RLBP1: variants seen among roughly 807,000 people sequenced by gnomAD.
RLBP1 encodes retinaldehyde binding protein 1.
In RLBP1, 26 loss-of-function variants were observed where a neutral mutation model predicts 36.2. The ratio of observed to expected loss-of-function variants is 0.72; its 90% CI spans 0.53 to 1.00. The LOEUF is 1.00. Ranked by LOEUF, RLBP1 falls within the 50% of genes least tolerant of loss-of-function variation. The pLI is 0.00. For synonymous variants in RLBP1, 155 were observed against 156.2 expected (o/e 0.99, Z 0.06); for missense variants, 410 against 402.4 (o/e 1.02, Z -0.16).
intron 2 of RLBP1, among the ~76,000 whole-genome samples, chr15:89,219,328 A>C (rs2051608433): frequency 6.6e-6 from 1 of 152,222 alleles, no homozygotes; most frequent in African/African-American, 2.4e-5. Context: ...CACAGACACA[A>C]ATAGCTCAGT....
At chr15:89,217,619 A>G (rs1393521001) in intron 4 of RLBP1, among the ~76,000 whole-genome samples, 1 of 152,192 alleles carries the variant, frequency 6.6e-6, no homozygotes, top group Non-Finnish European at 1.5e-5. Flanking sequence ...CTTTAAATGC[A>G]CTGTGTTTTT....
At position 89,217,123 on chromosome 15, in the gene RLBP1, T is replaced by C; in HGVS notation, c.343A>G (p.Arg115Gly). 1.2e-6 allele frequency: 2 copies of C among 1,613,980 alleles called. No homozygotes were observed. The highest frequency in any genetic ancestry group is 1.1e-5 in the South Asian group (1 of 91,074). ...FNVGRAYELL[R>G]GYVNFRLQYP... ...TCCCTCCAAGCACTGGCCTCACCTC[T>C]GAGCAGCTCATAGGCACGGCCCACG... Residue 115 changes from arginine (R) to glycine (G), a missense_variant, in exon 5 of 9, where the codon AGA becomes GGA. Arg to Gly is a moderately radical substitution (Grantham distance 125, BLOSUM62 -2). Coordinates refer to ENST00000268125, the MANE Select transcript of RLBP1 (RefSeq NM_000326.5).
Position 89,215,045 on chromosome 15 carries a change from C to T in RLBP1, c.525+15G>A, listed in dbSNP as rs1407140382. 5.0e-6 allele frequency: 8 copies of T among 1,613,938 alleles called. No individual in the cohort carries two copies. The highest frequency in any genetic ancestry group is 5.9e-6 in the Non-Finnish European group (7 of 1,179,830). On this transcript the variant is annotated intron_variant, in intron 6 of 8. Transcript: ENST00000268125. ...CCCAGCCCACAGGGTGGGAGCCAGG[C>T]GAGCCCCCACTAACCTCATCAAAGG...
Position 89,215,404 on chromosome 15 carries a change from C to T in RLBP1, c.347-166G>A, listed in dbSNP as rs534851623. On this transcript the variant is annotated intron_variant, in intron 5 of 8. Coordinates refer to ENST00000268125, the MANE Select transcript of RLBP1 (RefSeq NM_000326.5). The stretch of plus-strand genomic sequence containing the variant: ...GTTTCCTCTCCAAAAAATGGGATCT[C>T]GATATTGACCTATCTATTCTAGATA... 3.3e-5 allele frequency among the ~76,000 whole-genome samples: 5 copies of T among 152,118 alleles called. No individual in the cohort carries two copies. The East Asian group carries it at 5.8e-4, about 18-fold the overall frequency.
chr15:89,212,286 A>C (rs1206038243), intron 6 of RLBP1, among the ~76,000 whole-genome samples: 1 of 152,220 alleles, frequency 6.6e-6, no homozygotes. Flanking sequence ...CCATTATTGT[A>C]AGAAAAATGT....
rs1401403986 is a variant in RLBP1 at position 89,217,021 on chromosome 15, C to T, written c.346+99G>A. The T allele has an allele frequency of 1.1e-5, 14 of 1,290,572 alleles. No homozygotes were observed. The Admixed American group carries it at 1.1e-4, about 10-fold the overall frequency. 79.9% of individuals were successfully genotyped at this position (1,290,572 alleles called of 1,614,324 possible). A position where few individuals can be genotyped will look rare whatever the true frequency, so the allele number is the denominator to read the frequency against. ...AGGCTCAGAGAAACTGACTTGCCCACAGTATGGAAGCAGGCCTGTTCAGTG... is the reference window on the plus strand; with the variant it reads ...AGGCTCAGAGAAACTGACTTGCCCATAGTATGGAAGCAGGCCTGTTCAGTG... On this transcript the variant is annotated intron_variant, in intron 5 of 8. Coordinates refer to ENST00000268125, the MANE Select transcript of RLBP1 (RefSeq NM_000326.5).
In RLBP1 at chr15:89,218,582, G is replaced by A. The variant is rs765041521; in HGVS notation, c.124C>T (p.Arg42Cys). The change falls in exon 4 of 9, where the codon CGC becomes TGC. Residue 42 changes from arginine to cysteine, a missense_variant. Arg to Cys is a radical substitution (Grantham distance 180). Transcript: ENST00000268125. The surrounding 1 kb of genome is among the most constrained non-coding windows in gnomAD (Gnocchi z 4.6). ...PVFGPCSQLP[R>C]HTLQKAKDEL... ...CACCTCACCTTCTGCAAGGTGTGGCGGGGCAGCTGGCTGCACGGGCCAAAG... is the reference window on the plus strand; with the variant it reads ...CACCTCACCTTCTGCAAGGTGTGGCAGGGCAGCTGGCTGCACGGGCCAAAG... The A allele has an allele frequency of 1.7e-5, 28 of 1,613,984 alleles. No homozygotes were observed. Among genetic ancestry groups the A allele is most frequent in the Admixed American group, 1.5e-4 (9 of 60,002 alleles).
Position 89,218,473 on chromosome 15 carries a change from G to T in RLBP1, c.141+92C>A, listed in dbSNP as rs2051600132. 3.2e-6 allele frequency: 5 copies of T among 1,577,838 alleles called. No homozygotes were observed. In the Admixed American group the frequency reaches 6.7e-5, roughly 21 times the overall value. On this transcript the variant is annotated intron_variant, in intron 4 of 8. Coordinates refer to ENST00000268125, the MANE Select transcript of RLBP1 (RefSeq NM_000326.5). This position sits in a 1 kb window ranked among gnomAD's most constrained non-coding sequence, Gnocchi z 4.6. The stretch of plus-strand genomic sequence containing the variant: ...GTCCAGGATGATCTGGAGTGCCGAG[G>T]CTGGACCCTTTTCACAGGAGAGAGA...
At chr15:89,215,624 G>A (rs746780872) in intron 5 of RLBP1, among the ~76,000 whole-genome samples, 18 of 152,174 alleles carry the variant, frequency 1.2e-4, no homozygotes, top group South Asian at 6.2e-4. Context: ...GTGGTGAGGT[G>A]TGCACAGGGC....
In RLBP1 at chr15:89,215,306, G is replaced by A. The variant is rs1326490679; in HGVS notation, c.347-68C>T. 19 of 1,538,524 alleles carry A rather than the reference G, an allele frequency of 1.2e-5. No homozygotes were observed. In the East Asian group the frequency reaches 4.1e-4, roughly 33 times the overall value. On this transcript the variant is annotated intron_variant, in intron 5 of 8. Coordinates refer to ENST00000268125, the MANE Select transcript of RLBP1 (RefSeq NM_000326.5). ...CATCCCTACCCCATCCCTCCTAGTGGGACTCAGAGACCTGACCTCCTGCCA... is the reference window on the plus strand; with the variant it reads ...CATCCCTACCCCATCCCTCCTAGTGAGACTCAGAGACCTGACCTCCTGCCA...
Position 89,210,517 on chromosome 15 carries a change from G to A in RLBP1, c.796-74C>T, listed in dbSNP as rs769513473. The A allele has an allele frequency of 1.3e-6, 2 of 1,540,536 alleles. No homozygotes were observed. Among genetic ancestry groups the A allele is most frequent in the Non-Finnish European group, 1.8e-6 (2 of 1,115,534 alleles). Reference sequence around the variant, plus strand: ...GGATGAGGGTTGAGGGAGGAAAGGGGCAGGAGGACAAAGCCCCATCATGTG... The same window carrying A: ...GGATGAGGGTTGAGGGAGGAAAGGGACAGGAGGACAAAGCCCCATCATGTG... On this transcript the variant is annotated intron_variant, in intron 8 of 8. Coordinates refer to ENST00000268125, the MANE Select transcript of RLBP1 (RefSeq NM_000326.5). The surrounding 1 kb of genome is among the most constrained non-coding windows in gnomAD (Gnocchi z 4.7).
chr15:89,211,614 C>T lies in RLBP1; in HGVS notation c.684+129G>A. On this transcript the variant is annotated intron_variant, in intron 7 of 8. Coordinates refer to ENST00000268125, the MANE Select transcript of RLBP1 (RefSeq NM_000326.5). The surrounding 1 kb of genome is among the most constrained non-coding windows in gnomAD (Gnocchi z 5.8). ...CAGGTGCTTATGGTTGGGACTGTGG[C>T]TGTCACTGCTCTTTATGGCGCGAGG... 1.2e-6 allele frequency: 1 copy of T among 863,880 alleles called. No homozygotes were observed. The highest frequency in any genetic ancestry group is 1.8e-6 in the Non-Finnish European group (1 of 546,282). The allele number at this position is 863,880 out of a possible 1,614,324, so 53.5% of individuals were successfully genotyped here. A position where few individuals can be genotyped will look rare whatever the true frequency, so the allele number is the denominator to read the frequency against.
In RLBP1 at chr15:89,210,149, C is replaced by T. The variant is rs756385786; in HGVS notation, c.*136G>A. On this transcript the variant is annotated 3_prime_UTR_variant, in exon 9 of 9. Transcript: ENST00000268125. This position sits in a 1 kb window ranked among gnomAD's most constrained non-coding sequence, Gnocchi z 4.7. The stretch of plus-strand genomic sequence containing the variant: ...CCCCCAACTTGAGAACAGGGTGACA[C>T]CTGAGCTCACTCGGGCTTAGGGAGT... 1.8e-5 allele frequency: 18 copies of T among 975,356 alleles called. 1 individual carries two copies. Among genetic ancestry groups the T allele is most frequent in the Admixed American group, 3.5e-5 (2 of 56,448 alleles). 60.4% of individuals were successfully genotyped at this position (975,356 alleles called of 1,614,324 possible).
intron 4 of RLBP1, among the ~76,000 whole-genome samples, chr15:89,217,621 T>A (rs1265333418): frequency 6.6e-6 from 1 of 152,258 alleles, no homozygotes; most frequent in Non-Finnish European, 1.5e-5. Flanking sequence ...TTAAATGCAC[T>A]GTGTTTTTTA....
In RLBP1 at chr15:89,218,581, C is replaced by T. The variant is rs142495448; in HGVS notation, c.125G>A (p.Arg42His). 2.5e-5 allele frequency: 41 copies of T among 1,614,056 alleles called. No individual in the cohort carries two copies. The highest frequency in any genetic ancestry group is 9.9e-5 in the South Asian group (9 of 91,084). Reference protein sequence around the residue: ...PVFGPCSQLPRHTLQKAKDEL... With the variant: ...PVFGPCSQLPHHTLQKAKDEL... ...CCACCTCACCTTCTGCAAGGTGTGG[C>T]GGGGCAGCTGGCTGCACGGGCCAAA... The change falls in exon 4 of 9, where the codon CGC becomes CAC. Residue 42 changes from arginine to histidine, a missense_variant. Coordinates refer to ENST00000268125, the MANE Select transcript of RLBP1 (RefSeq NM_000326.5). The surrounding 1 kb of genome is among the most constrained non-coding windows in gnomAD (Gnocchi z 4.6).
Position 89,210,925 on chromosome 15 carries a change from C to A in RLBP1, c.685-116G>T. ...AACAGACTTGTCCAGCATCACAGGG[C>A]TGCCCTGGAGAAGGGCCCACTGAAG... is the stretch of plus-strand genomic sequence containing the variant. On this transcript the variant is annotated intron_variant, in intron 7 of 8. Transcript: ENST00000268125. This position sits in a 1 kb window ranked among gnomAD's most constrained non-coding sequence, Gnocchi z 4.7. 1 of 722,862 alleles carries A rather than the reference C, an allele frequency of 1.4e-6. No individual in the cohort carries two copies. The allele number at this position is 722,862 out of a possible 1,614,324, so 44.8% of individuals were successfully genotyped here.
At position 89,211,353 on chromosome 15, in the gene RLBP1, T is replaced by C. The variant is rs899659491; in HGVS notation, c.684+390A>G. Among the ~76,000 whole-genome samples the C allele has an allele frequency of 1.3e-5, 2 of 152,110 alleles. No homozygotes were observed. Among genetic ancestry groups the C allele is most frequent in the Non-Finnish European group, 2.9e-5 (2 of 68,030 alleles). ...ATCCCTTTCTCGGGGTGAATCCACA[T>C]TCAAAGAGAGGCAGTGCGACATATG... On this transcript the variant is annotated intron_variant, in intron 7 of 8. Coordinates refer to ENST00000268125, the MANE Select transcript of RLBP1 (RefSeq NM_000326.5). This position sits in a 1 kb window ranked among gnomAD's most constrained non-coding sequence, Gnocchi z 5.8.
intron 1 of RLBP1, among the ~76,000 whole-genome samples, chr15:89,220,510 G>C (rs149207656): frequency 1.3e-5 from 2 of 152,112 alleles, no homozygotes; most frequent in Admixed American, 1.3e-4. Context: ...ATAGAGTATC[G>C]GAGGGTCCCC....
intron 1 of RLBP1, among the ~76,000 whole-genome samples, chr15:89,220,370 T>A (rs778410681): frequency 2.6e-4 from 40 of 152,204 alleles, no homozygotes; most frequent in Non-Finnish European, 5.4e-4. Context: ...AAAAGAACTG[T>A]CGTGAAAACC....
Sources: gnomAD v4.1 joint callset for allele counts (sites outside exome capture counted in the v4.1 genomes callset) on GRCh38, gnomAD v4.1.1 for gene constraint, Gnocchi (gnomAD v3.1) non-coding constraint, MANE v1.5 for transcripts, NCBI Gene and HGNC (gene_info 2026-07-23, HGNC 2026-07-21) for gene names.